NDUFS7: variants seen among roughly 807,000 people sequenced by gnomAD.
NDUFS7 encodes NADH:ubiquinone oxidoreductase core subunit S7, also known as NADH dehydrogenase [ubiquinone] iron-sulfur protein 7, mitochondrial.
Under a neutral mutation model 31.1 loss-of-function variants are expected in NDUFS7, and 11 were observed. The ratio of observed to expected loss-of-function variants is 0.35; its 90% CI spans 0.22 to 0.59. The LOEUF (loss-of-function observed/expected upper bound fraction) is 0.59. Ranked by LOEUF, NDUFS7 falls within the 20% of genes least tolerant of loss-of-function variation. The pLI, the probability that NDUFS7 is intolerant of heterozygous loss-of-function variation, is 0.79. For synonymous variants in NDUFS7, 136 were observed against 127.9 expected (o/e 1.06, Z -0.43); for missense variants, 263 against 324.2 (o/e 0.81, Z 1.45).
intron 7 of NDUFS7, chr19:1,394,592 C>G: frequency 1.1e-5 from 14 of 1,225,012 alleles, no homozygotes; most frequent in Non-Finnish European, 1.3e-5. Context: ...CGCGCTCGGC[C>G]CTCCCTGGGG....
Position 1,393,424 on chromosome 19 carries a change from C to A in NDUFS7, c.544+94C>A. 2 of 1,048,774 alleles carry A rather than the reference C, an allele frequency of 1.9e-6. No homozygotes were observed. The highest frequency in any genetic ancestry group is 2.8e-6 in the Non-Finnish European group (2 of 701,786). 65.0% of individuals were successfully genotyped at this position (1,048,774 alleles called of 1,614,324 possible). ...CCCCTGTGAGGGAGTCCCACACCCC[C>A]AGCAGACGGCGGGCTCCCCCATCCT... On this transcript the variant is annotated intron_variant, in intron 7 of 7. Coordinates refer to ENST00000233627, the MANE Select transcript of NDUFS7 (RefSeq NM_024407.5). The surrounding 1 kb of genome is among the most constrained non-coding windows in gnomAD (Gnocchi z 7.3).
chr19:1,394,742 C>T (rs537217303), intron 7 of NDUFS7: 2 of 1,187,842 alleles, frequency 1.7e-6, no homozygotes, highest in South Asian at 1.6e-5. Flanking sequence ...CTTGCCAGAG[C>T]TCTGCCAGGT....
chr19:1,389,529 C>T (rs771007772), intron 4 of NDUFS7: 73 of 457,096 alleles, frequency 1.6e-4, no homozygotes, highest in African/African-American at 1.2e-3. Context: ...CCTCCGTTTC[C>T]GTCATTCTCT....
chr19:1,385,167 TA>T lies in NDUFS7; in HGVS notation c.16+1226del, dbSNP rs1025844364. On this transcript the variant is annotated intron_variant, in intron 1 of 7. Coordinates refer to ENST00000233627, the MANE Select transcript of NDUFS7 (RefSeq NM_024407.5). Reference sequence around the variant, plus strand: ...ATGCTGGTGACAACAAAGACATATATATTTTTTTATTCCAAGCAAATTCACA... The same window carrying T: ...ATGCTGGTGACAACAAAGACATATATTTTTTTTATTCCAAGCAAATTCACA... Among the ~76,000 whole-genome samples the T allele has an allele frequency of 1.0e-3, 152 of 152,246 alleles. 1 individual carries two copies. Among genetic ancestry groups the T allele is most frequent in the African/African-American group, 3.4e-3 (143 of 41,538 alleles).
intron 1 of NDUFS7, among the ~76,000 whole-genome samples, chr19:1,385,435 C>T (rs2082501308): frequency 1.3e-5 from 2 of 152,182 alleles, no homozygotes; most frequent in Admixed American, 1.3e-4. Flanking sequence ...ATCGCTTGAA[C>T]CCGGGAGGCG....
intron 7 of NDUFS7, chr19:1,394,166 C>T (rs962727391): frequency 5.5e-6 from 2 of 362,204 alleles, no homozygotes; most frequent in Non-Finnish European, 1.1e-5. Context: ...TGGTGCCTCT[C>T]AAAAGTGGAG....
chr19:1,387,032 G>C (rs1404762222), intron 1 of NDUFS7: 1 of 152,446 alleles, frequency 6.6e-6, no homozygotes, highest in Non-Finnish European at 1.5e-5. Context: ...GCCTCGGGAA[G>C]GCTCTCCCAG....
intron 4 of NDUFS7, 116 bp from the exon 5 acceptor site, chr19:1,390,755 C>T: frequency 2.4e-6 from 3 of 1,254,002 alleles, no homozygotes; most frequent in South Asian, 1.3e-5. Flanking sequence ...CCTCTCACCT[C>T]TGCCGGCTGC....
chr19:1,394,502 T>C (rs1320058925), intron 7 of NDUFS7: 39 of 1,246,762 alleles, frequency 3.1e-5, no homozygotes, highest in Non-Finnish European at 3.8e-5. Flanking sequence ...CCTCCCTCCT[T>C]GGGGACCGTG....
intron 1 of NDUFS7, 41 bp from the exon 2 acceptor site, chr19:1,387,770 G>T: frequency 6.2e-7 from 1 of 1,605,358 alleles, no homozygotes; most frequent in Non-Finnish European, 8.5e-7. Flanking sequence ...CCTGCGTGCT[G>T]CCCGCAGCTC....
chr19:1,395,297 C>A (rs771963583), intron 7 of NDUFS7, 94 bp from the exon 8 acceptor site: 1 of 1,510,972 alleles, frequency 6.6e-7, no homozygotes, highest in Non-Finnish European at 8.9e-7. Flanking sequence ...GAGGCCGGCC[C>A]GGGAAACCCT....
Position 1,390,944 on chromosome 19 carries a change from A to G in NDUFS7, c.302A>G (p.Tyr101Cys). The change falls in exon 5 of 8, where the codon TAC (tyrosine) becomes TGC (cysteine). Residue 101 changes from tyrosine (Y) to cysteine (C), a missense_variant. Tyr to Cys is a radical substitution (Grantham distance 194). Transcript: ENST00000233627. ...VEMMHMAAPR[Y>C]DMDRFGVVFR... The stretch of plus-strand genomic sequence containing the variant: ...ATGATGCACATGGCAGCACCCCGCT[A>G]CGACATGGACCGCTTTGGCGTGGTC... The G allele has an allele frequency of 6.2e-7, 1 of 1,612,664 alleles. No homozygotes were observed. Among genetic ancestry groups the G allele is most frequent in the Non-Finnish European group, 8.5e-7 (1 of 1,179,860 alleles).
chr19:1,390,407 A>C, intron 4 of NDUFS7: 1 of 215,030 alleles, frequency 4.7e-6, no homozygotes, highest in Non-Finnish European at 9.4e-6. Flanking sequence ...ACGGTGGGGG[A>C]AATGAGAAGC....
chr19:1,387,919 G>GGGGGGGGGGGGGGGGCC, intron 2 of NDUFS7, 72 bp downstream of exon 2: 1 of 315,996 alleles, frequency 3.2e-6, no homozygotes, highest in Non-Finnish European at 6.5e-6. Context: ...GGCGGGGGGG[G>GGGGGGGGGGGGGGGGCC]TGGGGGGTGG....
At position 1,393,602 on chromosome 19, in the gene NDUFS7, C is replaced by A; in HGVS notation, c.544+272C>A. 1 of 614,380 alleles carries A rather than the reference C, an allele frequency of 1.6e-6. No individual in the cohort carries two copies. The highest frequency in any genetic ancestry group is 1.9e-5 in the South Asian group (1 of 53,282). 38.1% of individuals were successfully genotyped at this position (614,380 alleles called of 1,614,324 possible). A position where few individuals can be genotyped will look rare whatever the true frequency, so the allele number is the denominator to read the frequency against. ...CTGGTTTACAGCAGTTTCATATGGT[C>A]CTACCTGGCACAAACCAAAGACCTG... is the stretch of plus-strand genomic sequence containing the variant. On this transcript the variant is annotated intron_variant, in intron 7 of 7. Coordinates refer to ENST00000233627, the MANE Select transcript of NDUFS7 (RefSeq NM_024407.5). The surrounding 1 kb of genome is among the most constrained non-coding windows in gnomAD (Gnocchi z 7.3).
At chr19:1,390,480 T>G in intron 4 of NDUFS7, 1 of 299,182 alleles carries the variant, frequency 3.3e-6, no homozygotes, top group South Asian at 3.8e-5. Flanking sequence ...CCTGGAGGCG[T>G]CGCACTTGGT....
chr19:1,387,881 G>A (rs1270618810), intron 2 of NDUFS7, 34 bp downstream of exon 2: 2 of 1,338,662 alleles, frequency 1.5e-6, no homozygotes, highest in Non-Finnish European at 2.0e-6. Flanking sequence ...TCAGCTGGGA[G>A]GGGCCTTCAG....
chr19:1,384,936 T>A (rs2144605465), intron 1 of NDUFS7, among the ~76,000 whole-genome samples: 1 of 152,308 alleles, frequency 6.6e-6, no homozygotes, highest in East Asian at 1.9e-4. Context: ...CACTTCAGTG[T>A]CCTGTGTAGC....
At chr19:1,390,433 G>A in intron 4 of NDUFS7, 1 of 261,866 alleles carries the variant, frequency 3.8e-6, no homozygotes, top group South Asian at 4.4e-5. Context: ...GGATGGAGGA[G>A]AGGGGAGGGA....
Sources: allele counts gnomAD v4.1 joint callset (sites outside exome capture counted in the v4.1 genomes callset), GRCh38; gene constraint gnomAD v4.1.1; non-coding constraint Gnocchi (gnomAD v3.1); transcripts MANE v1.5; gene names NCBI Gene and HGNC (gene_info 2026-07-23, HGNC 2026-07-21).